The following GNB5 variants were observed in gnomAD, a reference collection of about 807,000 sequenced individuals.
GNB5 encodes guanine nucleotide-binding protein subunit beta-5.
GNB5 carries 37 observed loss-of-function variants against 55.3 expected under a neutral mutation model. The ratio of observed to expected loss-of-function variants is 0.67; its 90% CI spans 0.51 to 0.88. GNB5 has a LOEUF of 0.88. GNB5 is among the 40% of genes least tolerant of loss of function. The pLI is 0.00. For missense variants in GNB5, 476 were observed against 515.3 expected (o/e 0.92, Z 0.74); for synonymous variants, 219 against 198.5 (o/e 1.10, Z -0.87).
At chr15:52,165,364 C>T (rs1378435455) in intron 3 of GNB5, among the ~76,000 whole-genome samples, 1 of 152,078 alleles carries the variant, frequency 6.6e-6, no homozygotes, top group African/African-American at 2.4e-5. Flanking sequence ...CCAGAGAACG[C>T]CAGTAAGATA....
chr15:52,174,407 CA>C (rs2141234777), intron 3 of GNB5, among the ~76,000 whole-genome samples: 1 of 152,188 alleles, frequency 6.6e-6, no homozygotes, highest in Non-Finnish European at 1.5e-5. Context: ...AGAAGATAAG[CA>C]GAAAGTGACA....
intron 5 of GNB5, among the ~76,000 whole-genome samples, chr15:52,148,560 G>T (rs1178814587): frequency 1.3e-5 from 2 of 152,200 alleles, no homozygotes; most frequent in African/African-American, 4.8e-5. Flanking sequence ...CAGATGTGTT[G>T]GAAACATGGC....
intron 2 of GNB5, 163 bp from the exon 3 acceptor site, chr15:52,180,042 C>T: frequency 1.1e-6 from 1 of 909,832 alleles, no homozygotes; most frequent in Non-Finnish European, 1.4e-6. Context: ...GCCTGAGCCC[C>T]AAGACCCCGC....
chr15:52,182,633 A>T (rs1342688973), intron 2 of GNB5, among the ~76,000 whole-genome samples: 1 of 152,158 alleles, frequency 6.6e-6, no homozygotes, highest in Non-Finnish European at 1.5e-5. Context: ...GTTGAGATAA[A>T]GGGTCACTCC....
At chr15:52,153,007 T>C (rs1180291127) in intron 4 of GNB5, among the ~76,000 whole-genome samples, 1 of 152,262 alleles carries the variant, frequency 6.6e-6, no homozygotes, top group Non-Finnish European at 1.5e-5. Context: ...AGTACTAAGC[T>C]GTGGGAGCCA....
intron 4 of GNB5, among the ~76,000 whole-genome samples, chr15:52,153,394 T>C (rs1348636777): frequency 6.6e-6 from 1 of 152,244 alleles, no homozygotes; most frequent in Non-Finnish European, 1.5e-5. Context: ...AACCACCCAA[T>C]GGAGCCACTC....
chr15:52,144,107 C>T (rs1596072323), intron 6 of GNB5: 1 of 152,378 alleles, frequency 6.6e-6, no homozygotes, highest in Middle Eastern at 3.4e-3. Flanking sequence ...CTGTTCTGCA[C>T]CACGCTGAGT....
At chr15:52,178,823 G>C (rs910806349) in intron 3 of GNB5, among the ~76,000 whole-genome samples, 3 of 152,188 alleles carry the variant, frequency 2.0e-5, no homozygotes, top group African/African-American at 7.2e-5. Flanking sequence ...AGAATGTAAA[G>C]GGTGGCATCG....
At chr15:52,140,454 T>C (rs1426435718) in intron 7 of GNB5, among the ~76,000 whole-genome samples, 1 of 152,106 alleles carries the variant, frequency 6.6e-6, no homozygotes, top group Admixed American at 6.6e-5. Flanking sequence ...GACCAACCCC[T>C]CCTGCTCGGA....
chr15:52,133,566 A>G, intron 8 of GNB5, 97 bp from the exon 9 acceptor site: 1 of 783,530 alleles, frequency 1.3e-6, no homozygotes, highest in Non-Finnish European at 2.2e-6. Context: ...TTTATTTCCC[A>G]TTAGCAAATG....
At chr15:52,175,495 T>C (rs754468657) in intron 3 of GNB5, among the ~76,000 whole-genome samples, 1 of 152,138 alleles carries the variant, frequency 6.6e-6, no homozygotes, top group African/African-American at 2.4e-5. Context: ...TCCCAGCACT[T>C]TGGGAGGCTG....
At chr15:52,144,182 T>A (rs115274961) in intron 6 of GNB5, 1 of 152,220 alleles carries the variant, frequency 6.6e-6, no homozygotes, top group African/African-American at 2.4e-5. Context: ...GCTACCCCCA[T>A]GGGAATTCTT....
At chr15:52,179,429 C>T (rs1160466150) in intron 3 of GNB5, among the ~76,000 whole-genome samples, 2 of 152,136 alleles carry the variant, frequency 1.3e-5, no homozygotes, top group African/African-American at 4.8e-5. Context: ...CACCGACACC[C>T]CACCCCCTGC....
In GNB5 at chr15:52,124,474, C is replaced by A; in HGVS notation, c.1175G>T (p.Arg392Ile). ...FCSGSWDHTL[R>I]VWA The stretch of plus-strand genomic sequence containing the variant: ...AAAACAGAAAACCATCCCTCTTACT[C>A]TGAGGGTATGATCCCATGATCCAGA... The change falls in exon 12 of 13, where the codon AGA (arginine) becomes ATA (isoleucine). Residue 392 changes from arginine to isoleucine, a missense_variant and splice_region_variant. Transcript: ENST00000261837. 6.2e-7 allele frequency: 1 copy of A among 1,611,440 alleles called. No homozygotes were observed. The highest frequency in any genetic ancestry group is 1.1e-5 in the South Asian group (1 of 90,892).
chr15:52,135,062 C>T (rs973554951), intron 8 of GNB5, among the ~76,000 whole-genome samples: 1 of 152,094 alleles, frequency 6.6e-6, no homozygotes, highest in African/African-American at 2.4e-5. Context: ...CTCTGTGGCC[C>T]TGTCTGCCAA....
intron 9 of GNB5, among the ~76,000 whole-genome samples, chr15:52,132,015 A>C (rs1438388089): frequency 6.6e-6 from 1 of 152,152 alleles, no homozygotes; most frequent in African/African-American, 2.4e-5. Context: ...CTATCCCTCC[A>C]GTCTTCCCTG....
chr15:52,177,074 G>A (rs1035941851), intron 3 of GNB5, among the ~76,000 whole-genome samples: 4 of 121,970 alleles, frequency 3.3e-5, no homozygotes, highest in Admixed American at 1.2e-4. Context: ...TCGCTCTGTC[G>A]CCCAGGCTGG....
At chr15:52,188,376 A>T (rs541022586) in intron 1 of GNB5, among the ~76,000 whole-genome samples, 5 of 152,316 alleles carry the variant, frequency 3.3e-5, no homozygotes, top group African/African-American at 1.2e-4. Flanking sequence ...TATAAGGAAG[A>T]AGATAATCAC....
chr15:52,124,655 G>C lies in GNB5; in HGVS notation c.1010-16C>G. On this transcript the variant is annotated splice_polypyrimidine_tract_variant and intron_variant, in intron 11 of 12. Coordinates refer to ENST00000261837, the MANE Select transcript of GNB5 (RefSeq NM_016194.4). ...AGCAGGCGACCTTGAAGCAGGGTGA[G>C]ATGATAGCTGTTAAGCCAGTTCCTT... 1 of 1,609,740 alleles carries C rather than the reference G, an allele frequency of 6.2e-7. No individual in the cohort carries two copies. The highest frequency in any genetic ancestry group is 2.2e-5 in the East Asian group (1 of 44,872).
Sources: allele counts gnomAD v4.1 joint callset (sites outside exome capture counted in the v4.1 genomes callset), GRCh38; gene constraint gnomAD v4.1.1; transcripts MANE v1.5; gene names NCBI Gene and HGNC (gene_info 2026-07-23, HGNC 2026-07-21).